Variants in KIAA1328 observed in about 807,000 individuals in gnomAD.
KIAA1328 encodes KIAA1328, also known as protein hinderin.
A neutral mutation model predicts 68.1 loss-of-function variants in KIAA1328; 52 were observed. The ratio of observed to expected loss-of-function variants is 0.76; its 90% CI spans 0.61 to 0.96. The LOEUF is 0.96. KIAA1328 is among the 40% of genes least tolerant of loss of function. The pLI, the probability that KIAA1328 is intolerant of heterozygous loss-of-function variation, is 0.00. For missense variants in KIAA1328, 641 were observed against 677.6 expected (o/e 0.95, Z 0.60); for synonymous variants, 232 against 239.4 (o/e 0.97, Z 0.28).
intron 5 of KIAA1328, among the ~76,000 whole-genome samples, chr18:36,907,179 G>T (rs2049253814): frequency 1.3e-5 from 2 of 151,818 alleles, no homozygotes; most frequent in South Asian, 4.2e-4. Flanking sequence ...GTTTTATGAG[G>T]TTTTTTTTGT....
chr18:36,969,696 A>G (rs541610495), intron 6 of KIAA1328, among the ~76,000 whole-genome samples: 5 of 152,346 alleles, frequency 3.3e-5, no homozygotes, highest in African/African-American at 7.2e-5. Context: ...GCCAAATTCT[A>G]CCAGATGTAC....
intron 6 of KIAA1328, among the ~76,000 whole-genome samples, chr18:36,983,408 C>G (rs1450177570): frequency 6.6e-6 from 1 of 151,892 alleles, no homozygotes; most frequent in Non-Finnish European, 1.5e-5. Flanking sequence ...ATACGTGAAG[C>G]AAATACTGAT....
intron 5 of KIAA1328, among the ~76,000 whole-genome samples, chr18:36,887,474 G>T (rs1194107196): frequency 6.6e-6 from 1 of 151,914 alleles, no homozygotes; most frequent in African/African-American, 2.4e-5. Context: ...TTTAATGGTT[G>T]CTCCAATTCT....
intron 4 of KIAA1328, among the ~76,000 whole-genome samples, chr18:36,863,130 A>C (rs1042882308): frequency 6.6e-6 from 1 of 151,810 alleles, no homozygotes; most frequent in Non-Finnish European, 1.5e-5. Flanking sequence ...ATCCCCCTTC[A>C]CTGAATTTTT....
rs1331238865 is a variant in KIAA1328 at position 36,987,493 on chromosome 18, A to C, written c.576+28058A>C. Among the ~76,000 whole-genome samples, 39 of 61,096 alleles carry C rather than the reference A, an allele frequency of 6.4e-4. No homozygotes were observed. In the East Asian group the frequency reaches 0.028, roughly 44 times the overall value. 40.1% of individuals were successfully genotyped at this position (61,096 alleles called of 152,430 possible). A position where few individuals can be genotyped will look rare whatever the true frequency, so the allele number is the denominator to read the frequency against. On this transcript the variant is annotated intron_variant, in intron 6 of 9. Transcript: ENST00000280020. ...TAAAACTTAGAGTATAATAAAAAAA[A>C]ATAAATAAATAAATAAAAATAAAAA...
At chr18:36,863,846 G>C (rs541759544) in intron 4 of KIAA1328, among the ~76,000 whole-genome samples, 1 of 152,160 alleles carries the variant, frequency 6.6e-6, no homozygotes, top group East Asian at 1.9e-4. Context: ...ATTGAATTTT[G>C]TCTGTTGATA....
rs2049345398 is a variant in KIAA1328, at chr18:36,909,386, G to T, written c.448+23714G>T. ...CTATGAATGAGAACATGTGGTGTTT[G>T]GTTTTTTTGTCCCTGCGATAGTTTG... On this transcript the variant is annotated intron_variant, in intron 5 of 9. Coordinates refer to ENST00000280020, the MANE Select transcript of KIAA1328 (RefSeq NM_020776.3). Among the ~76,000 whole-genome samples, 6 of 149,146 alleles carry T rather than the reference G, an allele frequency of 4.0e-5. No individual in the cohort carries two copies. In the South Asian group the frequency reaches 1.3e-3, roughly 32 times the overall value.
At chr18:37,008,094 T>C (rs1227257958) in intron 6 of KIAA1328, among the ~76,000 whole-genome samples, 1 of 152,204 alleles carries the variant, frequency 6.6e-6, no homozygotes, top group Non-Finnish European at 1.5e-5. Context: ...CCAAGTTTTT[T>C]CTCCCTTTAC....
intron 4 of KIAA1328, among the ~76,000 whole-genome samples, chr18:36,847,491 T>C (rs2047067760): frequency 6.6e-6 from 1 of 151,506 alleles, no homozygotes; most frequent in Non-Finnish European, 1.5e-5. Flanking sequence ...TGTTTACCGG[T>C]GACTAATGTG....
chr18:37,105,817 T>G, intron 7 of KIAA1328, among the ~76,000 whole-genome samples: 1 of 145,714 alleles, frequency 6.9e-6, no homozygotes, highest in Non-Finnish European at 1.5e-5. Context: ...CTTGGGAAGC[T>G]GAGGTAGGAG....
chr18:36,876,666 T>C (rs925583179), intron 4 of KIAA1328, among the ~76,000 whole-genome samples: 2 of 152,192 alleles, frequency 1.3e-5, no homozygotes, highest in African/African-American at 4.8e-5. Flanking sequence ...TTTTCATGTC[T>C]CTTATCTCCT....
intron 7 of KIAA1328, among the ~76,000 whole-genome samples, chr18:37,087,658 G>A (rs1035029434): frequency 3.9e-5 from 6 of 152,138 alleles, no homozygotes; most frequent in African/African-American, 1.4e-4. Context: ...ACCATGATCA[G>A]GTAGGCACGC....
chr18:37,053,153 C>T (rs1292206596), intron 6 of KIAA1328, among the ~76,000 whole-genome samples: 2 of 152,006 alleles, frequency 1.3e-5, no homozygotes, highest in East Asian at 3.9e-4. Context: ...ACACACAGAC[C>T]AATGGAACAG....
intron 6 of KIAA1328, among the ~76,000 whole-genome samples, chr18:37,027,631 T>C (rs1194912365): frequency 6.6e-6 from 1 of 152,336 alleles, no homozygotes; most frequent in South Asian, 2.1e-4. Flanking sequence ...GATTCCCTAT[T>C]TAACCAATGG....
chr18:36,966,196 T>C (rs1431589744), intron 6 of KIAA1328, among the ~76,000 whole-genome samples: 4 of 152,320 alleles, frequency 2.6e-5, no homozygotes, highest in African/African-American at 7.2e-5. Flanking sequence ...GAAGGTAATA[T>C]AAAGGCATTT....
Position 37,222,400 on chromosome 18 carries a change from A to T in KIAA1328, c.*173A>T. The T allele has an allele frequency of 7.0e-7, 1 of 1,438,010 alleles. No individual in the cohort carries two copies. Among genetic ancestry groups the T allele is most frequent in the African/African-American group, 1.4e-5 (1 of 69,870 alleles). The allele number at this position is 1,438,010 out of a possible 1,614,324, so 89.1% of individuals were successfully genotyped here. On this transcript the variant is annotated 3_prime_UTR_variant, in exon 10 of 10. Coordinates refer to ENST00000280020, the MANE Select transcript of KIAA1328 (RefSeq NM_020776.3). ...ATTCTAACAACCCAGGTTATTTTCA[A>T]TCAGACCAGGCATTCGATAACACAC...
At chr18:36,844,333 T>G in intron 4 of KIAA1328, 31 bp downstream of exon 4, 1 of 1,414,474 alleles carries the variant, frequency 7.1e-7, no homozygotes, top group Non-Finnish European at 9.7e-7. Context: ...AAATGATTTA[T>G]TATACAAAAG....
chr18:37,148,745 T>A (rs2154209464), intron 7 of KIAA1328, among the ~76,000 whole-genome samples: 1 of 152,362 alleles, frequency 6.6e-6, no homozygotes, highest in Non-Finnish European at 1.5e-5. Flanking sequence ...TTTTCATGTT[T>A]GTTGGCTGCG....
intron 6 of KIAA1328, among the ~76,000 whole-genome samples, chr18:36,969,763 A>C (rs2052100767): frequency 6.6e-6 from 1 of 152,024 alleles, no homozygotes; most frequent in South Asian, 2.1e-4. Flanking sequence ...AAAAGTAAGG[A>C]CTCCTCCCTA....
Sources: allele counts gnomAD v4.1 joint callset (sites outside exome capture counted in the v4.1 genomes callset), GRCh38; gene constraint gnomAD v4.1.1; transcripts MANE v1.5; gene names NCBI Gene and HGNC (gene_info 2026-07-23, HGNC 2026-07-21).